Variants in PAFAH1B2 observed in about 807,000 individuals in gnomAD.
PAFAH1B2 encodes the protein platelet-activating factor acetylhydrolase IB subunit alpha2.
PAFAH1B2 carries 8 observed loss-of-function variants against 28.0 expected under a neutral mutation model. The ratio of observed to expected loss-of-function variants is 0.29; its 90% CI spans 0.17 to 0.52. PAFAH1B2 has a LOEUF of 0.52. Among genes scored for constraint, PAFAH1B2 ranks in the 20% least tolerant of loss-of-function variants. PAFAH1B2 has a pLI of 0.97. For missense variants in PAFAH1B2, 190 were observed against 282.6 expected (o/e 0.67, Z 2.35); for synonymous variants, 104 against 103.2 (o/e 1.01, Z -0.05).
intron 1 of PAFAH1B2, 113 bp from the exon 2 acceptor site, chr11:117,152,328 A>G (rs1956170202): frequency 1.5e-6 from 1 of 655,280 alleles, no homozygotes; most frequent in Admixed American, 2.7e-5. Flanking sequence ...AATTGTTTCT[A>G]GGCAAACCAC....
At chr11:117,159,788 G>A (rs1326903748) in intron 2 of PAFAH1B2, 146 bp from the exon 3 acceptor site, 1 of 580,182 alleles carries the variant, frequency 1.7e-6, no homozygotes, top group African/African-American at 1.9e-5. Context: ...ATGGGATCTT[G>A]ATATATTACC....
chr11:117,175,018 C>T (rs936972569), downstream of PAFAH1B2: 4 of 1,411,846 alleles, frequency 2.8e-6, no homozygotes, highest in African/African-American at 1.5e-5. Flanking sequence ...TGGAGCTGGA[C>T]TCATGGGTCC....
chr11:117,173,500 T>TTTTTTTC (rs1231839385), downstream of PAFAH1B2, among the ~76,000 whole-genome samples: 1 of 152,232 alleles, frequency 6.6e-6, no homozygotes, highest in Non-Finnish European at 1.5e-5. Flanking sequence ...TGTAGAACTT[T>TTTTTTTC]TTTTTTCTTT....
intron 5 of PAFAH1B2, 101 bp downstream of exon 5, chr11:117,163,993 G>T: frequency 2.4e-6 from 3 of 1,254,106 alleles, no homozygotes; most frequent in South Asian, 1.4e-5. Context: ...ACCTTGAGGT[G>T]GAAGCAGTTT....
chr11:117,162,396 G>C (rs777879581), intron 4 of PAFAH1B2, among the ~76,000 whole-genome samples: 3 of 151,598 alleles, frequency 2.0e-5, no homozygotes, highest in African/African-American at 2.4e-5. Flanking sequence ...CTCCCGCCCC[G>C]GCCTCCTAAA....
downstream of PAFAH1B2, chr11:117,171,566 A>G (rs1956650668): frequency 2.9e-6 from 2 of 696,170 alleles, no homozygotes; most frequent in Admixed American, 4.8e-5. Context: ...GTGTTACTAC[A>G]GCATAGAGGA....
intron 1 of PAFAH1B2, among the ~76,000 whole-genome samples, chr11:117,144,956 CCCT>C (rs1175539730): frequency 6.6e-6 from 1 of 152,222 alleles, no homozygotes; most frequent in East Asian, 1.9e-4. Flanking sequence ...GAGCACTTTT[CCCT>C]CCTCCTTTTG....
chr11:117,159,023 C>T (rs1956313692), intron 2 of PAFAH1B2, among the ~76,000 whole-genome samples: 2 of 152,160 alleles, frequency 1.3e-5, no homozygotes. Flanking sequence ...CATTCTACTT[C>T]ACAAGTGGTC....
chr11:117,148,320 C>T (rs1185323286), intron 1 of PAFAH1B2, among the ~76,000 whole-genome samples: 1 of 152,050 alleles, frequency 6.6e-6, no homozygotes, highest in Non-Finnish European at 1.5e-5. Flanking sequence ...CCCCAAAATG[C>T]TGGGATTACA....
intron 2 of PAFAH1B2, 170 bp from the exon 3 acceptor site, chr11:117,159,764 T>G (rs1270189481): frequency 6.0e-6 from 3 of 502,552 alleles, no homozygotes; most frequent in South Asian, 3.5e-5. Context: ...AAGAAAAAAG[T>G]TGTTTTTGTA....
intron 2 of PAFAH1B2, among the ~76,000 whole-genome samples, chr11:117,155,887 G>A (rs889935177): frequency 3.9e-5 from 6 of 152,040 alleles, no homozygotes; most frequent in East Asian, 1.9e-4. Context: ...AAAATGTGTC[G>A]TTGAGTGCAT....
At chr11:117,171,396 T>G (rs1303239820), downstream of PAFAH1B2, among the ~76,000 whole-genome samples, 2 of 152,140 alleles carry the variant, frequency 1.3e-5, no homozygotes, top group Non-Finnish European at 2.9e-5. Flanking sequence ...ACAGTGTTAT[T>G]GGCCGGGCTC....
intron 2 of PAFAH1B2, among the ~76,000 whole-genome samples, chr11:117,155,172 C>T (rs1340674488): frequency 6.6e-6 from 1 of 152,066 alleles, no homozygotes; most frequent in African/African-American, 2.4e-5. Context: ...TCAAGCCGGT[C>T]TTGAACTCCT....
chr11:117,144,888 T>C (rs1955960798), intron 1 of PAFAH1B2, among the ~76,000 whole-genome samples: 1 of 152,168 alleles, frequency 6.6e-6, no homozygotes, highest in African/African-American at 2.4e-5. Flanking sequence ...CTTCTCACTC[T>C]TCTCTCCCCT....
At position 117,144,340 on chromosome 11, in the gene PAFAH1B2, C is replaced by A. The variant is rs1293214160; in HGVS notation, c.-86C>A. The A allele has an allele frequency of 1.2e-5, 5 of 416,160 alleles. No homozygotes were observed. Among genetic ancestry groups the A allele is most frequent in the South Asian group, 6.6e-5 (4 of 61,022 alleles). 25.8% of individuals were successfully genotyped at this position (416,160 alleles called of 1,614,324 possible). On this transcript the variant is annotated 5_prime_UTR_variant, in exon 1 of 6. Coordinates refer to ENST00000527958, the MANE Select transcript of PAFAH1B2 (RefSeq NM_002572.4). ...GAGGAGGGACGCGCCGGAGCGGGAC[C>A]GACGGGACCGAGCGAGCGACCGACG...
intron 2 of PAFAH1B2, among the ~76,000 whole-genome samples, chr11:117,156,315 A>G (rs1233014363): frequency 6.6e-6 from 1 of 152,246 alleles, no homozygotes; most frequent in Non-Finnish European, 1.5e-5. Flanking sequence ...AGTGGGTGCC[A>G]GTCAATAGCT....
At chr11:117,171,680 C>CGGTTAACT, downstream of PAFAH1B2, 1 of 1,533,558 alleles carries the variant, frequency 6.5e-7, no homozygotes, top group Non-Finnish European at 8.7e-7. Flanking sequence ...GAACAAGGGT[C>CGGTTAACT]GGTTAACTGG....
intron 1 of PAFAH1B2, among the ~76,000 whole-genome samples, chr11:117,151,088 A>G (rs1170853539): frequency 1.3e-5 from 2 of 151,274 alleles, no homozygotes; most frequent in Admixed American, 6.6e-5. Context: ...TAATGTTTCT[A>G]TTGTATATTC....
rs1395607995 is a variant in PAFAH1B2, at chr11:117,170,649, T to G, written c.*2950T>G. On this transcript the variant is annotated 3_prime_UTR_variant, in exon 6 of 6. Transcript: ENST00000527958. Reference sequence around the variant, plus strand: ...TTTAAAAAAAAAAAAAAAAAAAAAGTCCAACTTACTTTATTTTATTTTTTT... The same window carrying G: ...TTTAAAAAAAAAAAAAAAAAAAAAGGCCAACTTACTTTATTTTATTTTTTT... 3 of 946,214 alleles carry G rather than the reference T, an allele frequency of 3.2e-6. No individual in the cohort carries two copies. The highest frequency in any genetic ancestry group is 2.6e-6 in the Non-Finnish European group (2 of 779,382). The allele number at this position is 946,214 out of a possible 1,614,324, so 58.6% of individuals were successfully genotyped here.
Sources: allele counts gnomAD v4.1 joint callset (sites outside exome capture counted in the v4.1 genomes callset), GRCh38; gene constraint gnomAD v4.1.1; transcripts MANE v1.5; gene names NCBI Gene and HGNC (gene_info 2026-07-23, HGNC 2026-07-21).